ARPC5L: variants seen among roughly 807,000 people sequenced by gnomAD.
The protein encoded by ARPC5L is actin-related protein 2/3 complex subunit 5-like protein.
In ARPC5L, 4 loss-of-function variants were observed where a neutral mutation model predicts 16.9. The ratio of observed to expected loss-of-function variants is 0.24; its 90% confidence interval spans 0.12 to 0.54. The LOEUF is 0.54. Ranked by LOEUF, ARPC5L falls within the 20% of genes least tolerant of loss-of-function variation. The pLI is 0.95. For missense variants in ARPC5L, 151 were observed against 201.9 expected, an observed-to-expected ratio of 0.75 and a Z score of 1.53; for synonymous variants, 78 against 82.6, an observed-to-expected ratio of 0.94 and a Z score of 0.30.
intron 2 of ARPC5L, 142 bp from the exon 3 acceptor site, chr9:124,868,286 C>A (rs1829299412): frequency 6.6e-6 from 1 of 152,108 alleles, no homozygotes; most frequent in Non-Finnish European, 1.5e-5. Context: ...AAATAGTTTT[C>A]ACACTATTAT....
intron 4 of ARPC5L, among the ~76,000 whole-genome samples, chr9:124,874,337 G>GTTTTAT (rs986503560): frequency 1.2e-4 from 19 of 152,254 alleles, no homozygotes; most frequent in African/African-American, 4.6e-4. Context: ...AGTCAACCTG[G>GTTTTAT]TTTTATTTTT....
At chr9:124,870,115 G>C (rs1829334896) in intron 3 of ARPC5L, among the ~76,000 whole-genome samples, 1 of 152,214 alleles carries the variant, frequency 6.6e-6, no homozygotes, top group Non-Finnish European at 1.5e-5. Flanking sequence ...CGCTCAACAA[G>C]TGAGTCTTGG....
chr9:124,865,181 G>T (rs114752592), intron 2 of ARPC5L, among the ~76,000 whole-genome samples: 35 of 151,870 alleles, frequency 2.3e-4, no homozygotes, highest in Non-Finnish European at 4.3e-4. Flanking sequence ...GGTGGCTCAC[G>T]TGGTGCACGC....
At chr9:124,867,952 G>A (rs1829295567) in intron 2 of ARPC5L, among the ~76,000 whole-genome samples, 1 of 152,030 alleles carries the variant, frequency 6.6e-6, no homozygotes, top group African/African-American at 2.4e-5. Context: ...TGGGATTACA[G>A]GCATGCGCCA....
chr9:124,869,695 G>A (rs1829327790), intron 3 of ARPC5L, among the ~76,000 whole-genome samples: 1 of 152,210 alleles, frequency 6.6e-6, no homozygotes, highest in African/African-American at 2.4e-5. Flanking sequence ...CCGGTGGACG[G>A]GCTCCCTCGG....
At chr9:124,872,261 A>G (rs751719324) in intron 3 of ARPC5L, among the ~76,000 whole-genome samples, 2 of 152,046 alleles carry the variant, frequency 1.3e-5, no homozygotes, top group South Asian at 4.1e-4. Flanking sequence ...TGTTCAGCCT[A>G]TGGGATCCTG....
intron 2 of ARPC5L, among the ~76,000 whole-genome samples, chr9:124,864,791 A>G (rs1829247793): frequency 6.7e-6 from 1 of 150,366 alleles, no homozygotes; most frequent in African/African-American, 2.4e-5. Flanking sequence ...GGCATGAGCC[A>G]CGGCGCAGTG....
intron 4 of ARPC5L, 60 bp downstream of exon 4, chr9:124,873,824 G>C: frequency 6.3e-7 from 1 of 1,590,984 alleles, no homozygotes; most frequent in African/African-American, 1.3e-5. Flanking sequence ...GTGGGTGTCT[G>C]CCCAGTGCGA....
At chr9:124,876,420 G>GCA (rs201582594) in intron 5 of ARPC5L, among the ~76,000 whole-genome samples, 1 of 152,128 alleles carries the variant, frequency 6.6e-6, no homozygotes, top group East Asian at 1.9e-4. Flanking sequence ...TGGGGAGGCA[G>GCA]GGTTGCAGTG....
At position 124,869,386 on chromosome 9, in the gene ARPC5L, G is replaced by GGCT; in HGVS notation, c.98_99insTGC (p.Ala35dup). On this transcript the variant is annotated inframe_insertion, in exon 3 of 6. Transcript: ENST00000353214. ...TGGACGAGCAGGAGGAGGCGGCGGC[G>GGCT]GCGGCGGCGGAGCCAGGCCCGGACC... is the stretch of plus-strand genomic sequence containing the variant. The GGCT allele has an allele frequency of 6.6e-7, 1 of 1,513,232 alleles. No individual in the cohort carries two copies. Among genetic ancestry groups the GGCT allele is most frequent in the Non-Finnish European group, 8.8e-7 (1 of 1,130,466 alleles). 93.7% of individuals were successfully genotyped at this position (1,513,232 alleles called of 1,614,324 possible). A position where few individuals can be genotyped will look rare whatever the true frequency, so the allele number is the denominator to read the frequency against.
At chr9:124,863,876 A>G (rs1442589689) in intron 1 of ARPC5L, 112 bp from the exon 2 acceptor site, 1 of 152,212 alleles carries the variant, frequency 6.6e-6, no homozygotes, top group Non-Finnish European at 1.5e-5. Context: ...AGCTGTAACC[A>G]CCCACAAGGA....
At chr9:124,874,705 T>TC (rs1829407066) in intron 4 of ARPC5L, among the ~76,000 whole-genome samples, 1 of 131,570 alleles carries the variant, frequency 7.6e-6, no homozygotes, top group Non-Finnish European at 1.8e-5. Context: ...CCCTCTTTTC[T>TC]CTTCTCTCTC....
intron 3 of ARPC5L, among the ~76,000 whole-genome samples, chr9:124,870,992 G>A (rs780859931): frequency 6.6e-6 from 1 of 152,234 alleles, no homozygotes; most frequent in Non-Finnish European, 1.5e-5. Flanking sequence ...TCCACTTGGG[G>A]TTGGGGAAAG....
intron 1 of ARPC5L, among the ~76,000 whole-genome samples, chr9:124,863,444 G>C (rs1384032047): frequency 2.0e-5 from 3 of 152,162 alleles, no homozygotes; most frequent in Non-Finnish European, 4.4e-5. Flanking sequence ...ACTGCGCCCG[G>C]CTAGTACAGC....
chr9:124,866,745 G>A (rs1588040887), intron 2 of ARPC5L, among the ~76,000 whole-genome samples: 1 of 152,118 alleles, frequency 6.6e-6, no homozygotes, highest in East Asian at 1.9e-4. Context: ...AATTTACCCA[G>A]CTTGTTCCCA....
intron 2 of ARPC5L, 137 bp downstream of exon 2, chr9:124,864,244 G>C (rs1829241466): frequency 6.7e-6 from 1 of 150,324 alleles, no homozygotes; most frequent in African/African-American, 2.5e-5. Context: ...GGAGTGCAGT[G>C]GCACAATTTC....
intron 2 of ARPC5L, among the ~76,000 whole-genome samples, chr9:124,865,654 A>G (rs1295696236): frequency 6.6e-6 from 1 of 151,148 alleles, no homozygotes; most frequent in Non-Finnish European, 1.5e-5. Flanking sequence ...TTAGCCGGGC[A>G]TGGTGGCGGG....
At chr9:124,865,357 G>A (rs956371950) in intron 2 of ARPC5L, among the ~76,000 whole-genome samples, 1 of 147,762 alleles carries the variant, frequency 6.8e-6, no homozygotes, top group Non-Finnish European at 1.5e-5. Flanking sequence ...ATGGTGCACA[G>A]TGCCTTTGCT....
rs376646095 is a variant in ARPC5L at position 124,873,698 on chromosome 9, C to T, written c.156C>T (p.Asp52=). 3.8e-5 allele frequency: 61 copies of T among 1,614,220 alleles called. No individual in the cohort carries two copies. In the African/African-American group the frequency reaches 7.7e-4, roughly 20 times the overall value. Residue 52 remains aspartate (D), a synonymous_variant, in exon 4 of 6, where the codon GAC becomes GAT. Transcript: ENST00000353214. ...TTAACTGGTGGTGATGCACAGGGGA[C>T]ATGCTTCGGGCATTCCATGCAGCCT... is the stretch of plus-strand genomic sequence containing the variant. ...SEVDGLLRQG[D]MLRAFHAALR... is the part of the protein sequence containing the mutation.
Sources: gnomAD v4.1 joint callset for allele counts (sites outside exome capture counted in the v4.1 genomes callset) on GRCh38, gnomAD v4.1.1 for gene constraint, MANE v1.5 for transcripts, NCBI Gene and HGNC (gene_info 2026-07-23, HGNC 2026-07-21) for gene names.